The following PPP2R2B variants were observed in gnomAD, a reference collection of about 807,000 sequenced individuals.
The protein encoded by PPP2R2B is protein phosphatase 2 regulatory subunit Bbeta, also known as serine/threonine-protein phosphatase 2A 55 kDa regulatory subunit B beta isoform.
In PPP2R2B, 5 loss-of-function variants were observed where a neutral mutation model predicts 46.0. The ratio of observed to expected loss-of-function variants is 0.11; its 90% CI spans 0.06 to 0.23. The LOEUF (loss-of-function observed/expected upper bound fraction) is 0.23. Among genes scored for constraint, PPP2R2B ranks in the 10% least tolerant of loss-of-function variants. PPP2R2B has a pLI of 1.00. For synonymous variants in PPP2R2B, 215 were observed against 206.7 expected, an observed-to-expected ratio of 1.04 and a Z score of -0.34; for missense variants, 367 against 575.0, an observed-to-expected ratio of 0.64 and a Z score of 3.70.
At chr5:146,699,227 C>G (rs1385493793) in intron 3 of PPP2R2B, among the ~76,000 whole-genome samples, 2 of 152,044 alleles carry the variant, frequency 1.3e-5, no homozygotes, top group Admixed American at 1.3e-4. Flanking sequence ...AGTGAGAGTG[C>G]TGAACCCTGG....
chr5:146,844,145 T>C (rs1162477766), intron 2 of PPP2R2B, among the ~76,000 whole-genome samples: 17 of 139,082 alleles, frequency 1.2e-4, no homozygotes, highest in Admixed American at 6.2e-4. Flanking sequence ...TAGGTGGGAA[T>C]TGAACAATGA....
At chr5:146,932,761 C>T (rs1764009870) in intron 1 of PPP2R2B, among the ~76,000 whole-genome samples, 1 of 152,154 alleles carries the variant, frequency 6.6e-6, no homozygotes, top group African/African-American at 2.4e-5. Flanking sequence ...TAGCTTTCTT[C>T]TTCTTTATAT....
chr5:146,857,373 C>A (rs181248921), intron 2 of PPP2R2B, among the ~76,000 whole-genome samples: 4 of 151,998 alleles, frequency 2.6e-5, no homozygotes, highest in Admixed American at 6.5e-5. Context: ...TTCAACATAC[C>A]ACTAATATAG....
intron 1 of PPP2R2B, among the ~76,000 whole-genome samples, chr5:146,963,896 A>G (rs749154639): frequency 6.6e-5 from 10 of 152,218 alleles, no homozygotes; most frequent in Non-Finnish European, 1.3e-4. Context: ...GTCCTCTAAA[A>G]AGAACAATTG....
intron 2 of PPP2R2B, among the ~76,000 whole-genome samples, chr5:146,729,114 G>A (rs1581968380): frequency 6.6e-6 from 1 of 152,180 alleles, no homozygotes; most frequent in Non-Finnish European, 1.5e-5. Flanking sequence ...TGCTGATAGC[G>A]ATATGGACAA....
At chr5:146,968,673 T>G (rs911142795) in intron 1 of PPP2R2B, among the ~76,000 whole-genome samples, 2 of 152,242 alleles carry the variant, frequency 1.3e-5, no homozygotes, top group African/African-American at 4.8e-5. Context: ...TTATTGACAT[T>G]TCTCCATCAG....
At chr5:146,685,784 A>G (rs1224187428) in intron 5 of PPP2R2B, among the ~76,000 whole-genome samples, 1 of 152,196 alleles carries the variant, frequency 6.6e-6, no homozygotes, top group Non-Finnish European at 1.5e-5. Context: ...AGAAACAGCC[A>G]TTGTGTAAAA....
chr5:146,739,812 C>A (rs954336545), intron 2 of PPP2R2B, among the ~76,000 whole-genome samples: 8 of 152,120 alleles, frequency 5.3e-5, no homozygotes, highest in African/African-American at 1.9e-4. Flanking sequence ...ATCACCAGTA[C>A]CCCAATGCAG....
chr5:146,657,885 T>G lies in PPP2R2B; in HGVS notation c.448-7161A>C, dbSNP rs115491072. Among the ~76,000 whole-genome samples, 770 of 152,298 alleles carry G rather than the reference T, an allele frequency of 5.1e-3. 6 individuals carry two copies. The highest frequency in any genetic ancestry group is 0.018 in the African/African-American group (739 of 41,558). On this transcript the variant is annotated intron_variant, in intron 5 of 9. Coordinates refer to ENST00000394411, the MANE Select transcript of PPP2R2B (RefSeq NM_181675.4). ...CTCTCCAAATAATTGAGATTACATT[T>G]AGACTGACAGTATATATCAAGGTCA...
intron 2 of PPP2R2B, among the ~76,000 whole-genome samples, chr5:146,742,234 G>A (rs1408947880): frequency 1.3e-5 from 2 of 152,002 alleles, no homozygotes; most frequent in African/African-American, 4.8e-5. Context: ...CTTTTTTTGT[G>A]GGCTTTTTAA....
chr5:146,962,352 G>A (rs149452942), intron 1 of PPP2R2B, among the ~76,000 whole-genome samples: 2 of 151,760 alleles, frequency 1.3e-5, no homozygotes, highest in East Asian at 3.9e-4. Context: ...GAGAATGTGT[G>A]TGCATTAAAA....
At chr5:146,608,448 C>T (rs573784051) in intron 7 of PPP2R2B, among the ~76,000 whole-genome samples, 4 of 152,122 alleles carry the variant, frequency 2.6e-5, no homozygotes, top group Non-Finnish European at 4.4e-5. Context: ...AAAATGTAGA[C>T]ATCAATATCT....
rs906107634 is a variant in PPP2R2B at position 147,015,001 on chromosome 5, C to T, written c.79+40664G>A. Among the ~76,000 whole-genome samples the T allele has an allele frequency of 3.9e-5, 6 of 152,076 alleles. No homozygotes were observed. In the East Asian group the frequency reaches 1.2e-3, roughly 29 times the overall value. On this transcript the variant is annotated intron_variant, in intron 1 of 8. Coordinates refer to the PPP2R2B transcript ENST00000336640. ...CAAATTAAAAAAAAATCCCAAATCCCAAACACTTCTTGTTCCAAGGATTTT... is the reference window on the plus strand; with the variant it reads ...CAAATTAAAAAAAAATCCCAAATCCTAAACACTTCTTGTTCCAAGGATTTT...
At chr5:146,804,009 T>TA (rs1253410451) in intron 2 of PPP2R2B, among the ~76,000 whole-genome samples, 2 of 151,256 alleles carry the variant, frequency 1.3e-5, no homozygotes, top group African/African-American at 2.4e-5. Flanking sequence ...CTACTAGAAA[T>TA]AAAAAAAATT....
intron 1 of PPP2R2B, among the ~76,000 whole-genome samples, chr5:146,927,895 C>A (rs889460804): frequency 2.0e-5 from 3 of 152,002 alleles, no homozygotes; most frequent in Admixed American, 6.6e-5. Context: ...GCACCTGCCA[C>A]CATGCCTGGC....
Position 146,697,996 on chromosome 5 carries a change from A to C in PPP2R2B, c.317T>G (p.Phe106Cys). 3.7e-6 allele frequency: 6 copies of C among 1,612,256 alleles called. No individual in the cohort carries two copies. Among genetic ancestry groups the C allele is most frequent in the Non-Finnish European group, 8.5e-7 (1 of 1,179,352 alleles). ...CCACCTACCATTAGTAGACAGAAGAAAGTAAGCTGCATTCTGCTGGGGGAG... is the reference window on the plus strand; with the variant it reads ...CCACCTACCATTAGTAGACAGAAGACAGTAAGCTGCATTCTGCTGGGGGAG... Reference protein sequence around the residue: ...RWLPQQNAAYFLLSTNDKTVK... With the variant: ...RWLPQQNAAYCLLSTNDKTVK... Residue 106 changes from phenylalanine to cysteine, a missense_variant, in exon 4 of 10, where the codon TTT becomes TGT. Physicochemically the swap from Phe to Cys is radical, Grantham distance 205. Around this residue, in one of 2 missense-constraint regions of PPP2R2B, gnomAD observed 361 missense variants for 545.5 expected, o/e 0.66. Coordinates refer to ENST00000394411, the MANE Select transcript of PPP2R2B (RefSeq NM_181675.4).
chr5:146,990,963 G>GA lies in PPP2R2B; in HGVS notation c.79+64701dup, dbSNP rs1454320165. 3.3e-5 allele frequency among the ~76,000 whole-genome samples: 5 copies of GA among 151,986 alleles called. No individual in the cohort carries two copies. The East Asian group carries it at 9.6e-4, about 29-fold the overall frequency. ...GTATACGAATGGCCAACAGGTATAT[G>GA]AAAAAATCTTGAACATCGTTAATCA... is the stretch of plus-strand genomic sequence containing the variant. On this transcript the variant is annotated intron_variant, in intron 1 of 8. Coordinates refer to the PPP2R2B transcript ENST00000336640.
intron 4 of PPP2R2B, 60 bp from the exon 5 acceptor site, chr5:146,691,300 T>A: frequency 7.0e-7 from 1 of 1,423,014 alleles, no homozygotes; most frequent in Non-Finnish European, 9.8e-7. Flanking sequence ...ATAAGGGAGT[T>A]TTCCTGGGGG....
At chr5:147,008,360 A>G (rs1006961235) in intron 1 of PPP2R2B, among the ~76,000 whole-genome samples, 1 of 152,156 alleles carries the variant, frequency 6.6e-6, no homozygotes, top group Non-Finnish European at 1.5e-5. Context: ...TTTATGAATA[A>G]ATGTTAATTT....
Sources: gnomAD v4.1 joint callset for allele counts (sites outside exome capture counted in the v4.1 genomes callset) on GRCh38, gnomAD v4.1.1 for gene constraint, gnomAD v4.1.1 regional missense constraint, MANE v1.5 for transcripts, NCBI Gene and HGNC (gene_info 2026-07-23, HGNC 2026-07-21) for gene names.